The following RBPMS variants were observed in gnomAD, a reference collection of about 807,000 sequenced individuals.
RBPMS encodes the protein RNA binding protein, mRNA processing factor, also known as RNA-binding protein with multiple splicing.
Under a neutral mutation model 26.8 loss-of-function variants are expected in RBPMS, and 7 were observed. That is an observed-to-expected ratio of 0.26 (90% CI 0.15 to 0.49). RBPMS has a LOEUF of 0.49. Among genes scored for constraint, RBPMS ranks in the 20% least tolerant of loss-of-function variants. RBPMS has a pLI of 0.98. For synonymous variants in RBPMS, 96 were observed against 93.3 expected (o/e 1.03, Z -0.17); for missense variants, 186 against 250.0 (o/e 0.74, Z 1.73).
At chr8:30,472,802 G>A (rs907420526) in intron 1 of RBPMS, among the ~76,000 whole-genome samples, 3 of 152,156 alleles carry the variant, frequency 2.0e-5, no homozygotes, top group Non-Finnish European at 2.9e-5. Flanking sequence ...AAAGCCAGGC[G>A]AGGTGGCTCA....
intron 5 of RBPMS, among the ~76,000 whole-genome samples, chr8:30,527,992 A>ACGG (rs1163828240): frequency 5.3e-5 from 8 of 152,242 alleles, no homozygotes; most frequent in South Asian, 2.1e-4. Context: ...CCTGGTCAAC[A>ACGG]TGGTGAAACC....
chr8:30,562,067 A>T (rs113196981), intron 7 of RBPMS: 3 of 982,920 alleles, frequency 3.1e-6, no homozygotes, highest in African/African-American at 3.5e-5. Context: ...GCAGTGCCTC[A>T]CGCCTGTCAT....
At chr8:30,418,002 C>T (rs1414324017) in intron 1 of RBPMS, among the ~76,000 whole-genome samples, 2 of 152,142 alleles carry the variant, frequency 1.3e-5, no homozygotes, top group African/African-American at 4.8e-5. Flanking sequence ...AGAATAACTA[C>T]ATATATACTT....
chr8:30,500,175 CA>C (rs1820399734), intron 4 of RBPMS, among the ~76,000 whole-genome samples: 1 of 151,966 alleles, frequency 6.6e-6, no homozygotes, highest in Admixed American at 6.6e-5. Context: ...CAAAATTGTA[CA>C]AAAGTCTGTG....
At chr8:30,549,145 C>G (rs1244889014) in intron 6 of RBPMS, among the ~76,000 whole-genome samples, 1 of 152,224 alleles carries the variant, frequency 6.6e-6, no homozygotes, top group Non-Finnish European at 1.5e-5. Context: ...ACAGGGAAAC[C>G]TGTGAACAGA....
chr8:30,505,954 G>A (rs950637993), intron 5 of RBPMS, among the ~76,000 whole-genome samples: 1 of 152,112 alleles, frequency 6.6e-6, no homozygotes, highest in African/African-American at 2.4e-5. Context: ...AGATCTCAGA[G>A]TTCTTTGAAA....
At chr8:30,518,893 C>T (rs1822682402) in intron 5 of RBPMS, among the ~76,000 whole-genome samples, 1 of 151,382 alleles carries the variant, frequency 6.6e-6, no homozygotes, top group African/African-American at 2.4e-5. Flanking sequence ...ACACCCTGAG[C>T]AGGAAAATGA....
chr8:30,567,355 T>C (rs1437500167), intron 8 of RBPMS, among the ~76,000 whole-genome samples: 1 of 152,062 alleles, frequency 6.6e-6, no homozygotes, highest in Non-Finnish European at 1.5e-5. Flanking sequence ...CCCAGAGAGC[T>C]TTCCCACAGG....
intron 5 of RBPMS, among the ~76,000 whole-genome samples, chr8:30,511,010 T>C (rs182926601): frequency 8.6e-4 from 131 of 152,202 alleles, no homozygotes; most frequent in African/African-American, 3.0e-3. Flanking sequence ...GCTGGTCAAC[T>C]TCTTATTGAA....
At chr8:30,510,892 T>C (rs1280380196) in intron 5 of RBPMS, among the ~76,000 whole-genome samples, 1 of 151,958 alleles carries the variant, frequency 6.6e-6, no homozygotes, top group Non-Finnish European at 1.5e-5. Context: ...AGCCCATGGG[T>C]GCTGACAGCT....
chr8:30,509,688 G>A (rs560629885), intron 5 of RBPMS, among the ~76,000 whole-genome samples: 5 of 152,294 alleles, frequency 3.3e-5, no homozygotes, highest in African/African-American at 7.2e-5. Flanking sequence ...TCAGTTTCAC[G>A]CCTGCTCTCC....
chr8:30,444,323 CG>C (rs1198594300), intron 1 of RBPMS, among the ~76,000 whole-genome samples: 1 of 152,186 alleles, frequency 6.6e-6, no homozygotes, highest in Non-Finnish European at 1.5e-5. Context: ...ATACACTAAG[CG>C]GGATAAATTA....
chr8:30,425,121 A>T (rs1811206842), intron 1 of RBPMS, among the ~76,000 whole-genome samples: 1 of 151,588 alleles, frequency 6.6e-6, no homozygotes, highest in South Asian at 2.1e-4. Flanking sequence ...ACGCCCAACT[A>T]ATTTTCTGTA....
intron 8 of RBPMS, among the ~76,000 whole-genome samples, chr8:30,567,656 G>C (rs1207318309): frequency 6.6e-6 from 1 of 152,170 alleles, no homozygotes; most frequent in Non-Finnish European, 1.5e-5. Context: ...AATGCAGCAA[G>C]TCAACCAAAG....
intron 1 of RBPMS, among the ~76,000 whole-genome samples, chr8:30,429,146 C>T (rs978855152): frequency 1.3e-5 from 2 of 152,172 alleles, no homozygotes; most frequent in African/African-American, 4.8e-5. Flanking sequence ...ACTAGTCCAG[C>T]CCCTTCTTGC....
chr8:30,510,486 C>A (rs76492868), intron 5 of RBPMS, among the ~76,000 whole-genome samples: 29 of 150,124 alleles, frequency 1.9e-4, no homozygotes, highest in African/African-American at 6.6e-4. Context: ...GCTAGTCTCA[C>A]ATCACCACAC....
chr8:30,457,385 G>A (rs1241421890), intron 1 of RBPMS, among the ~76,000 whole-genome samples: 1 of 152,094 alleles, frequency 6.6e-6, no homozygotes, highest in African/African-American at 2.4e-5. Context: ...GGTGGTAGTA[G>A]TATAAATAAG....
At chr8:30,552,777 G>A (rs933544120) in intron 6 of RBPMS, 2 of 152,246 alleles carry the variant, frequency 1.3e-5, no homozygotes, top group Non-Finnish European at 2.9e-5. Flanking sequence ...GACAGGAAAA[G>A]AGTCTAAGAG....
intron 1 of RBPMS, among the ~76,000 whole-genome samples, chr8:30,467,966 G>A (rs1173965174): frequency 1.3e-5 from 2 of 149,964 alleles, no homozygotes; most frequent in African/African-American, 2.4e-5. Context: ...AGATAATTTG[G>A]TATGTATTCC....
Sources: allele counts gnomAD v4.1 joint callset (sites outside exome capture counted in the v4.1 genomes callset), GRCh38; gene constraint gnomAD v4.1.1; transcripts MANE v1.5; gene names NCBI Gene and HGNC (gene_info 2026-07-23, HGNC 2026-07-21).